Variants in SNX29 observed in about 807,000 individuals in gnomAD.
SNX29 encodes sorting nexin 29.
Under a neutral mutation model 102.1 loss-of-function variants are expected in SNX29, and 78 were observed. That is an observed-to-expected ratio of 0.76 (90% confidence interval 0.64 to 0.92). SNX29 has a LOEUF of 0.92. Ranked by LOEUF, SNX29 falls within the 40% of genes least tolerant of loss-of-function variation. SNX29 has a pLI of 0.00. For missense variants in SNX29, 1,280 were observed against 1,061.7 expected (o/e 1.21, Z -2.86); for synonymous variants, 580 against 414.5 (o/e 1.40, Z -4.85).
intron 3 of SNX29, among the ~76,000 whole-genome samples, chr16:12,009,369 C>T (rs1475197051): frequency 2.0e-5 from 3 of 150,186 alleles, no homozygotes; most frequent in African/African-American, 7.4e-5. Flanking sequence ...TGTGTGTGAG[C>T]ATGTTTTTGT....
intron 5 of SNX29, among the ~76,000 whole-genome samples, chr16:12,045,757 G>A (rs1235145895): frequency 1.3e-5 from 2 of 151,814 alleles, no homozygotes; most frequent in Non-Finnish European, 2.9e-5. Flanking sequence ...CCGAGTAGCT[G>A]GGATTACAAG....
intron 9 of SNX29, among the ~76,000 whole-genome samples, chr16:12,068,005 C>G (rs916093654): frequency 1.5e-5 from 2 of 134,812 alleles, no homozygotes; most frequent in Non-Finnish European, 3.2e-5. Flanking sequence ...GGAAAATTGG[C>G]CTTTTTAGAA....
chr16:12,076,063 G>A lies in SNX29; in HGVS notation c.1320-2770G>A, dbSNP rs369718670. Among the ~76,000 whole-genome samples, 16 of 152,276 alleles carry A rather than the reference G, an allele frequency of 1.1e-4. No individual in the cohort carries two copies. The South Asian group carries it at 2.1e-3, about 20-fold the overall frequency. On this transcript the variant is annotated intron_variant, in intron 10 of 20. Coordinates refer to ENST00000566228, the MANE Select transcript of SNX29 (RefSeq NM_032167.5). ...GGAGTGGCCCGATATTCCAGGTGCC[G>A]TCTGTCACCCCTTTCCTTGAACAGG...
chr16:12,233,177 T>G (rs2077822187), intron 14 of SNX29, among the ~76,000 whole-genome samples: 4 of 152,102 alleles, frequency 2.6e-5, no homozygotes. Context: ...TGCAAAAACA[T>G]GTAGTCAGTC....
intron 1 of SNX29, chr16:11,977,453 TCCTGGC>T (rs2055328094): frequency 1.3e-5 from 2 of 152,976 alleles, no homozygotes; most frequent in Non-Finnish European, 2.9e-5. Context: ...CCCTCTCCGG[TCCTGGC>T]TTTTACATTT....
intron 8 of SNX29, among the ~76,000 whole-genome samples, chr16:12,060,095 G>A (rs902264970): frequency 2.0e-5 from 3 of 152,014 alleles, no homozygotes; most frequent in African/African-American, 7.2e-5. Flanking sequence ...CTCTGCATCC[G>A]TGAGTTCCGC....
chr16:12,094,229 G>C (rs991447812), intron 11 of SNX29, among the ~76,000 whole-genome samples: 7 of 152,106 alleles, frequency 4.6e-5, no homozygotes, highest in African/African-American at 1.4e-4. Context: ...TACCACCTGA[G>C]CTATCGAAGG....
At chr16:12,249,840 A>T (rs1396610449) in intron 14 of SNX29, among the ~76,000 whole-genome samples, 1 of 152,210 alleles carries the variant, frequency 6.6e-6, no homozygotes, top group East Asian at 1.9e-4. Flanking sequence ...CGGCCCCATT[A>T]ACTCATGTAT....
In SNX29 at chr16:12,573,288, C is replaced by T. The variant is rs1163121796; in HGVS notation, c.*4659C>T. ...TGGTATTCCTCACTCTAGCCATGAG[C>T]CATTGCCATCTTATGGGCCCGATTT... On this transcript the variant is annotated 3_prime_UTR_variant, in exon 21 of 21. Coordinates refer to ENST00000566228, the MANE Select transcript of SNX29 (RefSeq NM_032167.5). 1 of 227,132 alleles carries T rather than the reference C, an allele frequency of 4.4e-6. No homozygotes were observed. Among genetic ancestry groups the T allele is most frequent in the African/African-American group, 2.2e-5 (1 of 45,018 alleles). The allele number at this position is 227,132 out of a possible 1,614,324, so 14.1% of individuals were successfully genotyped here.
intron 15 of SNX29, among the ~76,000 whole-genome samples, chr16:12,342,504 C>G (rs1392223818): frequency 6.6e-6 from 1 of 152,134 alleles, no homozygotes; most frequent in Non-Finnish European, 1.5e-5. Context: ...TTAAACTATA[C>G]CATCTCGTCT....
chr16:12,377,145 G>T (rs928299788), intron 16 of SNX29, among the ~76,000 whole-genome samples: 4 of 152,182 alleles, frequency 2.6e-5, no homozygotes, highest in Admixed American at 6.5e-5. Context: ...CAGTAACTAT[G>T]TGGTTTCAGG....
intron 18 of SNX29, among the ~76,000 whole-genome samples, chr16:12,431,773 C>T (rs1287267536): frequency 6.6e-6 from 1 of 152,200 alleles, no homozygotes; most frequent in Non-Finnish European, 1.5e-5. Context: ...TACCTAAACC[C>T]ACAGCCGGTG....
intron 20 of SNX29, among the ~76,000 whole-genome samples, chr16:12,544,268 G>C (rs542128137): frequency 6.6e-6 from 1 of 152,312 alleles, no homozygotes; most frequent in East Asian, 1.9e-4. Flanking sequence ...TGCAACTCAG[G>C]ACTTTACACT....
intron 1 of SNX29, among the ~76,000 whole-genome samples, chr16:11,982,580 C>G (rs1466266388): frequency 1.3e-5 from 2 of 152,064 alleles, no homozygotes; most frequent in Admixed American, 6.6e-5. Context: ...CAGGCGCTTG[C>G]AACCACGCCC....
chr16:12,118,198 G>A (rs968947677), intron 11 of SNX29, among the ~76,000 whole-genome samples: 6 of 151,966 alleles, frequency 3.9e-5, no homozygotes, highest in Admixed American at 2.6e-4. Flanking sequence ...TGCTTCTACT[G>A]CTGGAAGCAA....
At chr16:12,059,647 G>A (rs545929303) in intron 8 of SNX29, among the ~76,000 whole-genome samples, 1 of 152,310 alleles carries the variant, frequency 6.6e-6, no homozygotes, top group South Asian at 2.1e-4. Context: ...CCTGCCTGCG[G>A]ACCAAACCCG....
intron 14 of SNX29, among the ~76,000 whole-genome samples, chr16:12,267,981 G>A (rs2078978391): frequency 6.6e-6 from 1 of 152,104 alleles, no homozygotes; most frequent in Non-Finnish European, 1.5e-5. Context: ...CTCACTGTTG[G>A]TAGAACATGT....
At chr16:12,038,818 A>T (rs2541582) in intron 4 of SNX29, 9 of 152,060 alleles carry the variant, frequency 5.9e-5, no homozygotes, top group African/African-American at 1.9e-4. Context: ...AATGTGATGG[A>T]CGTACCGACA....
chr16:12,408,097 G>A (rs1422592180), intron 18 of SNX29, among the ~76,000 whole-genome samples: 1 of 151,832 alleles, frequency 6.6e-6, no homozygotes, highest in Non-Finnish European at 1.5e-5. Context: ...GTTTGAGATT[G>A]CACTGAGCTG....
Sources: gnomAD v4.1 joint callset for allele counts (sites outside exome capture counted in the v4.1 genomes callset) on GRCh38, gnomAD v4.1.1 for gene constraint, MANE v1.5 for transcripts, NCBI Gene and HGNC (gene_info 2026-07-23, HGNC 2026-07-21) for gene names.